Variants in MPHOSPH8 observed in about 807,000 individuals in gnomAD.
MPHOSPH8 encodes the protein M-phase phosphoprotein 8, also known as M-phase phosphoprotein, mpp.
Under a neutral mutation model 87.3 loss-of-function variants are expected in MPHOSPH8, and 45 were observed. That is an observed-to-expected ratio of 0.52 (90% CI 0.41 to 0.66). MPHOSPH8 has a LOEUF of 0.66. Ranked by LOEUF, MPHOSPH8 falls within the 30% of genes least tolerant of loss-of-function variation. MPHOSPH8 has a pLI of 0.00. For synonymous variants in MPHOSPH8, 366 were observed against 376.9 expected (o/e 0.97, Z 0.33); for missense variants, 883 against 1,020.2 (o/e 0.87, Z 1.83).
intron 11 of MPHOSPH8, among the ~76,000 whole-genome samples, chr13:19,669,514 T>TG: frequency 1.2e-4 from 1 of 8,350 alleles, no homozygotes. Context: ...ATCCACCAAC[T>TG]TTTTTTTTTT....
chr13:19,634,363 G>A (rs1386293148), intron 1 of MPHOSPH8, among the ~76,000 whole-genome samples: 3 of 152,168 alleles, frequency 2.0e-5, no homozygotes, highest in Admixed American at 1.3e-4. Flanking sequence ...CAACTCCCTG[G>A]TTTAAAATCT....
chr13:19,639,075 TCC>T (rs1874146616), intron 1 of MPHOSPH8, among the ~76,000 whole-genome samples: 1 of 94,910 alleles, frequency 1.1e-5, no homozygotes, highest in African/African-American at 3.4e-5. Context: ...AGAGCGAGAC[TCC>T]GTCTCAAAAA....
intron 5 of MPHOSPH8, 51 bp from the exon 6 acceptor site, chr13:19,658,944 T>A: frequency 6.3e-7 from 1 of 1,583,722 alleles, no homozygotes; most frequent in South Asian, 1.2e-5. Flanking sequence ...ACATTGTGGG[T>A]TTTTTATACT....
chr13:19,646,693 A>T lies in MPHOSPH8; in HGVS notation c.620A>T (p.Lys207Ile). ...LRTKKRISEA[K>I]EELKESKKPK... ...ACAAAGAAAAGAATTTCTGAAGCCA[A>T]AGAAGAACTAAAGGAGTCCAAAAAG... Residue 207 changes from lysine (K) to isoleucine (I), a missense_variant, in exon 3 of 14, where the codon AAA (lysine) becomes ATA (isoleucine). Lys to Ile is a moderately radical substitution (Grantham distance 102). Transcript: ENST00000361479. 6.3e-7 allele frequency: 1 copy of T among 1,593,728 alleles called. No individual in the cohort carries two copies. Among genetic ancestry groups the T allele is most frequent in the Non-Finnish European group, 8.5e-7 (1 of 1,175,312 alleles).
At chr13:19,645,989 G>C (rs9579573) in intron 2 of MPHOSPH8, among the ~76,000 whole-genome samples, 12,543 of 152,126 alleles carry the variant, frequency 0.082, 546 homozygotes, top group Middle Eastern at 0.13. Flanking sequence ...TGCTTGTTCT[G>C]TACATAACTG....
chr13:19,650,934 T>C (rs1191503739), intron 5 of MPHOSPH8, among the ~76,000 whole-genome samples: 1 of 152,204 alleles, frequency 6.6e-6, no homozygotes, highest in Non-Finnish European at 1.5e-5. Context: ...TTTGGATATA[T>C]TGCTGAGCTT....
chr13:19,633,734 T>G lies in MPHOSPH8; in HGVS notation c.-15T>G. 6.3e-7 allele frequency: 1 copy of G among 1,576,424 alleles called. No homozygotes were observed. Among genetic ancestry groups the G allele is most frequent in the Non-Finnish European group, 8.6e-7 (1 of 1,161,342 alleles). On this transcript the variant is annotated 5_prime_UTR_variant, in exon 1 of 14. Coordinates refer to ENST00000361479, the MANE Select transcript of MPHOSPH8 (RefSeq NM_017520.4). ...TCGCAGCGGGTTTTCCTCGGCGGTT[T>G]GCGGAGCTGCTAGGATGGAGCAGGT...
intron 9 of MPHOSPH8, among the ~76,000 whole-genome samples, chr13:19,664,165 A>G (rs1257259493): frequency 1.3e-5 from 2 of 152,104 alleles, no homozygotes; most frequent in African/African-American, 4.8e-5. Flanking sequence ...TATTAGAGAC[A>G]AGGTCTCACT....
intron 5 of MPHOSPH8, among the ~76,000 whole-genome samples, chr13:19,653,632 A>T (rs55905516): frequency 0.11 from 16,165 of 152,248 alleles, 1,041 homozygotes; most frequent in African/African-American, 0.18. Context: ...AGCATGTTCT[A>T]ACCCAATGCA....
intron 2 of MPHOSPH8, among the ~76,000 whole-genome samples, chr13:19,645,141 C>T (rs111867030): frequency 2.6e-4 from 40 of 152,234 alleles, no homozygotes; most frequent in Non-Finnish European, 4.1e-4. Flanking sequence ...TCCCCTTCTC[C>T]GCCTTGCCCA....
At chr13:19,668,765 A>C (rs1006790297) in intron 11 of MPHOSPH8, among the ~76,000 whole-genome samples, 12 of 152,080 alleles carry the variant, frequency 7.9e-5, no homozygotes, top group African/African-American at 1.5e-4. Context: ...TAATCACACT[A>C]GTTCTCAATG....
At position 19,633,887 on chromosome 13, in the gene MPHOSPH8, G is replaced by A. The variant is rs1036414214; in HGVS notation, c.139G>A (p.Ala47Thr). The change falls in exon 1 of 14, where the codon GCC (alanine) becomes ACC (threonine). Residue 47 changes from alanine to threonine, a missense_variant. Physicochemically the swap from Ala to Thr is moderately conservative, Grantham distance 58. Around this residue, in one of 3 missense-constraint regions of MPHOSPH8, gnomAD observed 103 missense variants for 96.3 expected, o/e 1.07. Transcript: ENST00000361479. ...TGACGCAGCCGCGAGAGGAGCGGAG[G>A]CCTTTGGCGACAGTGAGGAGGACGG... ...DNDAAARGAE[A>T]FGDSEEDGED... is the part of the protein sequence containing the mutation. 7.4e-6 allele frequency: 12 copies of A among 1,611,894 alleles called. No homozygotes were observed. Among genetic ancestry groups the A allele is most frequent in the Non-Finnish European group, 1.0e-5 (12 of 1,179,322 alleles).
intron 12 of MPHOSPH8, 27 bp downstream of exon 12, chr13:19,670,390 A>G (rs775596897): frequency 5.6e-6 from 9 of 1,606,784 alleles, no homozygotes; most frequent in South Asian, 1.1e-5. Context: ...TTCACTACTG[A>G]AAAGTACATT....
intron 11 of MPHOSPH8, 48 bp downstream of exon 11, chr13:19,668,579 A>C: frequency 6.5e-7 from 1 of 1,527,402 alleles, no homozygotes. Flanking sequence ...GTGTGACACT[A>C]TATTAACAGA....
chr13:19,656,245 C>T (rs1186466938), intron 5 of MPHOSPH8, among the ~76,000 whole-genome samples: 2 of 131,024 alleles, frequency 1.5e-5, no homozygotes, highest in African/African-American at 5.6e-5. Context: ...TGCCACTGCA[C>T]TTCAGCCTGG....
At chr13:19,635,856 G>A (rs1873978789) in intron 1 of MPHOSPH8, among the ~76,000 whole-genome samples, 1 of 152,116 alleles carries the variant, frequency 6.6e-6, no homozygotes, top group Admixed American at 6.6e-5. Flanking sequence ...TGTCAAGGGC[G>A]CGACCAGGTG....
At position 19,671,519 on chromosome 13, in the gene MPHOSPH8, A is replaced by G. The variant is rs558736418; in HGVS notation, c.2541+230A>G. Among the ~76,000 whole-genome samples, 8 of 152,320 alleles carry G rather than the reference A, an allele frequency of 5.3e-5. No homozygotes were observed. The South Asian group carries it at 1.7e-3, about 32-fold the overall frequency. ...GCTGAGAAAGATGCCTCTCTAGAGGATGGAGCCATCTGAATCATGATCTAG... is the reference window on the plus strand; with the variant it reads ...GCTGAGAAAGATGCCTCTCTAGAGGGTGGAGCCATCTGAATCATGATCTAG... On this transcript the variant is annotated intron_variant, in intron 13 of 13. Coordinates refer to ENST00000361479, the MANE Select transcript of MPHOSPH8 (RefSeq NM_017520.4).
At chr13:19,670,805 G>C in intron 12 of MPHOSPH8, 1 of 1,216,954 alleles carries the variant, frequency 8.2e-7, no homozygotes, top group Middle Eastern at 3.5e-4. Flanking sequence ...AATAAATCAA[G>C]GGAAAAATAA....
chr13:19,642,233 C>T lies in MPHOSPH8; in HGVS notation c.332C>T (p.Ala111Val), dbSNP rs1874333121. ...CTTCTTGAATTTAGGAAGAAAATTGCAGAGAACAAAGCCAAAGCAGTCAGG... is the reference window on the plus strand; with the variant it reads ...CTTCTTGAATTTAGGAAGAAAATTGTAGAGAACAAAGCCAAAGCAGTCAGG... ...EVLLEFRKKI[A>V]ENKAKAVRKD... Residue 111 changes from alanine (A) to valine (V), a missense_variant, in exon 2 of 14, where the codon GCA becomes GTA. By Grantham distance (64) the Ala-to-Val change is moderately conservative. Transcript: ENST00000361479. 2 of 1,609,554 alleles carry T rather than the reference C, an allele frequency of 1.2e-6. No individual in the cohort carries two copies. The highest frequency in any genetic ancestry group is 2.2e-5 in the East Asian group (1 of 44,656).
Sources: gnomAD v4.1 joint callset for allele counts (sites outside exome capture counted in the v4.1 genomes callset) on GRCh38, gnomAD v4.1.1 for gene constraint, gnomAD v4.1.1 regional missense constraint, MANE v1.5 for transcripts, NCBI Gene and HGNC (gene_info 2026-07-23, HGNC 2026-07-21) for gene names.